The following CORO2A variants were observed in gnomAD, a reference collection of about 807,000 sequenced individuals.
CORO2A encodes coronin 2A.
CORO2A carries 47 observed loss-of-function variants against 62.4 expected under a neutral mutation model. That is an observed-to-expected ratio of 0.75 (90% confidence interval 0.60 to 0.96). The LOEUF is 0.96. Ranked by LOEUF, CORO2A falls within the 40% of genes least tolerant of loss-of-function variation. CORO2A has a pLI of 0.00. For missense variants in CORO2A, 610 were observed against 684.1 expected, an observed-to-expected ratio of 0.89 and a Z score of 1.21; for synonymous variants, 273 against 268.9, an observed-to-expected ratio of 1.02 and a Z score of -0.15.
intron 1 of CORO2A, among the ~76,000 whole-genome samples, chr9:98,191,984 T>C (rs962794439): frequency 1.3e-5 from 2 of 152,170 alleles, no homozygotes; most frequent in Non-Finnish European, 2.9e-5. Flanking sequence ...ACCTCCAACC[T>C]AGGGCTCCTC....
At position 98,124,785 on chromosome 9, in the gene CORO2A, C is replaced by T. The variant is rs1446230565; in HGVS notation, c.1567G>A (p.Glu523Lys). ...GCAGAGGTCTCTGCTCAGAGCTGCT[C>T]TGAGCCCATCCGCAAGTTTTTGATC... The part of the protein sequence containing the change: ...LEIKNLRMGS[E>K]QL Residue 523 changes from glutamate to lysine, a missense_variant, in exon 12 of 12, where the codon GAG becomes AAG. By Grantham distance (56) the Glu-to-Lys change is moderately conservative (BLOSUM62 1). Coordinates refer to ENST00000375077, the MANE Select transcript of CORO2A (RefSeq NM_052820.4). 1 of 1,611,782 alleles carries T rather than the reference C, an allele frequency of 6.2e-7. No individual in the cohort carries two copies. Among genetic ancestry groups the T allele is most frequent in the South Asian group, 1.1e-5 (1 of 90,422 alleles).
Position 98,122,296 on chromosome 9 carries a change from C to G in CORO2A, c.*2478G>C, listed in dbSNP as rs571745146. 1.3e-5 allele frequency: 2 copies of G among 152,248 alleles called. No homozygotes were observed. Among genetic ancestry groups the G allele is most frequent in the Admixed American group, 1.3e-4 (2 of 15,280 alleles). 9.4% of individuals were successfully genotyped at this position (152,248 alleles called of 1,614,324 possible). The stretch of plus-strand genomic sequence containing the variant: ...AGCTTATATGACCATACAGGCCCTA[C>G]TCTGGAGATTCAGCTTCAGTTGGTC... On this transcript the variant is annotated 3_prime_UTR_variant, in exon 12 of 12. Transcript: ENST00000375077.
intron 2 of CORO2A, among the ~76,000 whole-genome samples, chr9:98,139,295 C>G (rs1827535302): frequency 1.3e-5 from 2 of 151,978 alleles, no homozygotes; most frequent in South Asian, 2.1e-4. Flanking sequence ...GGTGAATTTT[C>G]CAACATGGCA....
chr9:98,125,924 G>A (rs1173989458), intron 11 of CORO2A, among the ~76,000 whole-genome samples: 1 of 151,784 alleles, frequency 6.6e-6, no homozygotes. Context: ...CGCCATGTTG[G>A]CCAGGCTGGT....
chr9:98,161,897 T>A (rs1023039073), intron 1 of CORO2A, among the ~76,000 whole-genome samples: 1 of 152,018 alleles, frequency 6.6e-6, no homozygotes, highest in African/African-American at 2.4e-5. Context: ...CTGTAGGGGG[T>A]ACCTGGGGTC....
chr9:98,154,317 A>C (rs1476744884), intron 2 of CORO2A, among the ~76,000 whole-genome samples: 1 of 134,464 alleles, frequency 7.4e-6, no homozygotes, highest in Non-Finnish European at 1.6e-5. Flanking sequence ...AGTCTTTCTT[A>C]TGTGTTTGTG....
At chr9:98,191,398 G>T (rs557728921) in intron 1 of CORO2A, among the ~76,000 whole-genome samples, 1 of 152,308 alleles carries the variant, frequency 6.6e-6, no homozygotes, top group Non-Finnish European at 1.5e-5. Context: ...TTGGCTCCCT[G>T]GGATCTGATG....
chr9:98,179,545 C>T (rs1439751143), intron 1 of CORO2A, among the ~76,000 whole-genome samples: 1 of 152,184 alleles, frequency 6.6e-6, no homozygotes, highest in African/African-American at 2.4e-5. Context: ...TATTCCAAAA[C>T]CTTCAATAGC....
At position 98,128,169 on chromosome 9, in the gene CORO2A, C is replaced by G. The variant is rs765299966; in HGVS notation, c.1171+1G>C. ...CTGGGCCTCTTCTCTGCCTTCCTCA[C>G]CTCGATTCATCCCGCTGAGCCACTC... On this transcript the variant is annotated splice_donor_variant, in intron 10 of 11. Coordinates refer to ENST00000375077, the MANE Select transcript of CORO2A (RefSeq NM_052820.4). LOFTEE classifies it high-confidence loss of function. 4 of 1,611,982 alleles carry G rather than the reference C, an allele frequency of 2.5e-6. No homozygotes were observed. The Admixed American group carries it at 6.7e-5, about 27-fold the overall frequency.
At chr9:98,174,690 C>T (rs374544693) in intron 1 of CORO2A, among the ~76,000 whole-genome samples, 5 of 152,236 alleles carry the variant, frequency 3.3e-5, no homozygotes, top group Admixed American at 3.3e-4. Context: ...GTTTCCCCTG[C>T]GAGTTATCTC....
intron 1 of CORO2A, among the ~76,000 whole-genome samples, chr9:98,172,172 G>A (rs1309246983): frequency 1.3e-5 from 2 of 151,944 alleles, no homozygotes; most frequent in Admixed American, 1.3e-4. Flanking sequence ...GCCTGCTCCT[G>A]CAGATGCTGG....
chr9:98,180,858 G>A (rs1457514778), intron 1 of CORO2A, among the ~76,000 whole-genome samples: 2 of 152,122 alleles, frequency 1.3e-5, no homozygotes, highest in Non-Finnish European at 2.9e-5. Context: ...ATCAAGCAAT[G>A]CCCCAACTCC....
intron 2 of CORO2A, among the ~76,000 whole-genome samples, chr9:98,147,279 A>C (rs752921550): frequency 2.6e-5 from 4 of 151,868 alleles, no homozygotes; most frequent in Non-Finnish European, 4.4e-5. Flanking sequence ...TCCTGGCATT[A>C]TGGTTATGTC....
At chr9:98,171,574 G>A (rs2761062) in intron 1 of CORO2A, among the ~76,000 whole-genome samples, 433 of 152,310 alleles carry the variant, frequency 2.8e-3, no homozygotes, top group Non-Finnish European at 4.4e-3. Flanking sequence ...GCTGCAAGTT[G>A]CAGCAGGGAG....
intron 2 of CORO2A, among the ~76,000 whole-genome samples, chr9:98,138,368 G>A (rs372226971): frequency 2.7e-5 from 4 of 149,994 alleles, no homozygotes; most frequent in African/African-American, 9.8e-5. Flanking sequence ...CTCTGATTGC[G>A]CCATTGCACT....
intron 1 of CORO2A, among the ~76,000 whole-genome samples, chr9:98,162,220 G>A (rs753384577): frequency 1.3e-5 from 2 of 152,086 alleles, no homozygotes; most frequent in Non-Finnish European, 2.9e-5. Context: ...GCAGCTCCAG[G>A]TCCTCACAGA....
intron 2 of CORO2A, chr9:98,157,242 G>A (rs1322096077): frequency 1.1e-5 from 6 of 528,976 alleles, no homozygotes; most frequent in Non-Finnish European, 2.0e-5. Context: ...GAGGAGAGGT[G>A]CTACGAGTAG....
chr9:98,157,771 G>T, intron 1 of CORO2A, 111 bp from the exon 2 acceptor site: 1 of 961,728 alleles, frequency 1.0e-6, no homozygotes, highest in Non-Finnish European at 1.6e-6. Flanking sequence ...ACAGTGGTCA[G>T]TTCAACGTGG....
At position 98,173,823 on chromosome 9, in the gene CORO2A, G is replaced by C. The variant is rs893866269; in HGVS notation, c.1-16163C>G. ...TGAGATGAGCAAGGAGCTTAAGAGCGTGTAGCCTTTGGTCTGGGTGTGGTG... is the reference window on the plus strand; with the variant it reads ...TGAGATGAGCAAGGAGCTTAAGAGCCTGTAGCCTTTGGTCTGGGTGTGGTG... On this transcript the variant is annotated intron_variant, in intron 1 of 11. Coordinates refer to ENST00000375077, the MANE Select transcript of CORO2A (RefSeq NM_052820.4). 3.9e-5 allele frequency among the ~76,000 whole-genome samples: 6 copies of C among 152,316 alleles called. No individual in the cohort carries two copies. In the East Asian group the frequency reaches 9.7e-4, roughly 25 times the overall value.
Sources: allele counts gnomAD v4.1 joint callset (sites outside exome capture counted in the v4.1 genomes callset), GRCh38; gene constraint gnomAD v4.1.1; transcripts MANE v1.5; gene names NCBI Gene and HGNC (gene_info 2026-07-23, HGNC 2026-07-21).